The following TGFB2 variants were observed in gnomAD, a reference collection of about 807,000 sequenced individuals.
The protein encoded by TGFB2 is transforming growth factor beta 2.
TGFB2 carries 13 observed loss-of-function variants against 42.7 expected under a neutral mutation model. The observed-to-expected ratio is 0.30, with a 90% CI of 0.20 to 0.48. The LOEUF (loss-of-function observed/expected upper bound fraction) is 0.48. TGFB2 is among the 20% of genes least tolerant of loss of function. The pLI is 0.99. For synonymous variants in TGFB2, 193 were observed against 193.6 expected, an observed-to-expected ratio of 1.00 and a Z score of 0.03; for missense variants, 390 against 517.5, an observed-to-expected ratio of 0.75 and a Z score of 2.39.
intron 1 of TGFB2, among the ~76,000 whole-genome samples, chr1:218,383,743 A>T (rs950689836): frequency 6.6e-6 from 1 of 152,242 alleles, no homozygotes; most frequent in African/African-American, 2.4e-5. Context: ...ATATCCCATG[A>T]GTCAGGTTTC....
intron 1 of TGFB2, among the ~76,000 whole-genome samples, chr1:218,372,828 A>C (rs12088448): frequency 0.43 from 64,921 of 151,890 alleles, 14,919 homozygotes; most frequent in African/African-American, 0.61. Flanking sequence ...CCAGAGTCCA[A>C]CTCCAGAAAT....
intron 1 of TGFB2, among the ~76,000 whole-genome samples, chr1:218,399,119 C>A (rs1329515712): frequency 6.6e-6 from 1 of 152,082 alleles, no homozygotes; most frequent in African/African-American, 2.4e-5. Flanking sequence ...AAACTCCTAG[C>A]CTTAACCAAT....
Position 218,367,263 on chromosome 1 carries a change from C to T in TGFB2, c.346+20216C>T, listed in dbSNP as rs574711742. Among the ~76,000 whole-genome samples, 4 of 152,252 alleles carry T rather than the reference C, an allele frequency of 2.6e-5. No individual in the cohort carries two copies. In the East Asian group the frequency reaches 5.8e-4, roughly 22 times the overall value. ...CTGCTGACCTCTTGGTGGCCTGAAT[C>T]GTGTTCTGAGACATTCCATGGGGTA... is the stretch of plus-strand genomic sequence containing the variant. On this transcript the variant is annotated intron_variant, in intron 1 of 6. Coordinates refer to ENST00000366930, the MANE Select transcript of TGFB2 (RefSeq NM_003238.6).
intron 1 of TGFB2, among the ~76,000 whole-genome samples, chr1:218,367,904 G>A (rs1197580815): frequency 6.6e-6 from 1 of 152,112 alleles, no homozygotes; most frequent in Non-Finnish European, 1.5e-5. Context: ...CCAGGTTCAA[G>A]CAATTCTCCT....
intron 1 of TGFB2, among the ~76,000 whole-genome samples, chr1:218,395,804 C>G (rs537899842): frequency 6.6e-6 from 1 of 151,884 alleles, no homozygotes; most frequent in African/African-American, 2.4e-5. Flanking sequence ...TTAGTAGAGA[C>G]GGGATTTCAC....
At chr1:218,380,196 G>T (rs973735999) in intron 1 of TGFB2, among the ~76,000 whole-genome samples, 2 of 152,206 alleles carry the variant, frequency 1.3e-5, no homozygotes, top group African/African-American at 2.4e-5. Context: ...GCTCAAGTCG[G>T]TGACCAATCA....
chr1:218,391,507 T>C (rs1658315476), intron 1 of TGFB2, among the ~76,000 whole-genome samples: 1 of 152,208 alleles, frequency 6.6e-6, no homozygotes, highest in Non-Finnish European at 1.5e-5. Flanking sequence ...GGGGATTGAA[T>C]GAAATAACAT....
chr1:218,364,211 C>T (rs551819805), intron 1 of TGFB2, among the ~76,000 whole-genome samples: 6 of 152,248 alleles, frequency 3.9e-5, no homozygotes, highest in Admixed American at 3.3e-4. Context: ...CGTCATGGGT[C>T]AGGCCCTCAG....
At position 218,386,068 on chromosome 1, in the gene TGFB2, A is replaced by T. The variant is rs1658124472; in HGVS notation, c.347-19101A>T. Among the ~76,000 whole-genome samples the T allele has an allele frequency of 2.0e-5, 3 of 152,084 alleles. No homozygotes were observed. The South Asian group carries it at 6.2e-4, about 32-fold the overall frequency. On this transcript the variant is annotated intron_variant, in intron 1 of 6. Transcript: ENST00000366930. Reference sequence around the variant, plus strand: ...AGGTAACTCTGTTTGAAGGCTCTTCACTGTACTGAGCTTGGGCTGTTCTGA... The same window carrying T: ...AGGTAACTCTGTTTGAAGGCTCTTCTCTGTACTGAGCTTGGGCTGTTCTGA...
chr1:218,416,375 G>T lies in TGFB2; in HGVS notation c.510+11043G>T, dbSNP rs76067114. Among the ~76,000 whole-genome samples the T allele has an allele frequency of 6.3e-3, 958 of 151,998 alleles. 15 individuals are homozygous for T. The highest frequency in any genetic ancestry group is 0.02 in the African/African-American group (832 of 41,444). On this transcript the variant is annotated intron_variant, in intron 2 of 6. Transcript: ENST00000366930. The stretch of plus-strand genomic sequence containing the variant: ...GGCAAAAGCTGTTTCAAGGGAGCAT[G>T]CATGTTTTTTTTCTCAATGCCAACA...
intron 4 of TGFB2, 51 bp downstream of exon 4, chr1:218,434,499 T>C: frequency 8.7e-7 from 1 of 1,152,288 alleles, no homozygotes; most frequent in Non-Finnish European, 1.3e-6. Context: ...TCTATATTGA[T>C]AATCTCATGG....
intron 1 of TGFB2, among the ~76,000 whole-genome samples, chr1:218,403,830 A>C (rs1157914392): frequency 6.6e-6 from 1 of 152,202 alleles, no homozygotes; most frequent in Non-Finnish European, 1.5e-5. Context: ...GTGGGTAGAA[A>C]GAAATGGAGC....
At chr1:218,426,249 T>C (rs1200883935) in intron 2 of TGFB2, among the ~76,000 whole-genome samples, 1 of 152,258 alleles carries the variant, frequency 6.6e-6, no homozygotes, top group Non-Finnish European at 1.5e-5. Flanking sequence ...CTCTTTGCAA[T>C]GTCTCATAGA....
chr1:218,394,731 G>GC (rs574007898), intron 1 of TGFB2, among the ~76,000 whole-genome samples: 7 of 152,108 alleles, frequency 4.6e-5, no homozygotes, highest in Non-Finnish European at 8.8e-5. Flanking sequence ...CTGATGCGCT[G>GC]TTTATTTCTT....
intron 2 of TGFB2, among the ~76,000 whole-genome samples, chr1:218,431,157 G>A (rs566688851): frequency 1.4e-4 from 22 of 152,260 alleles, no homozygotes; most frequent in Admixed American, 7.2e-4. Flanking sequence ...TTTATATGTG[G>A]CCTGTTCATG....
In TGFB2 at chr1:218,359,167, A is replaced by G. The variant is rs916298353; in HGVS notation, c.346+12120A>G. On this transcript the variant is annotated intron_variant, in intron 1 of 6. Coordinates refer to ENST00000366930, the MANE Select transcript of TGFB2 (RefSeq NM_003238.6). Reference sequence around the variant, plus strand: ...AAAGCTGAATAATAGCCATGACCTCAGGCTCTGAAGCAGGAGGTTCCACCT... The same window carrying G: ...AAAGCTGAATAATAGCCATGACCTCGGGCTCTGAAGCAGGAGGTTCCACCT... 3.1e-4 allele frequency among the ~76,000 whole-genome samples: 47 copies of G among 152,178 alleles called. 1 individual carries two copies. The highest frequency in any genetic ancestry group is 1.1e-3 in the African/African-American group (47 of 41,434).
intron 1 of TGFB2, among the ~76,000 whole-genome samples, chr1:218,373,998 G>A (rs2102557286): frequency 6.6e-6 from 1 of 152,326 alleles, no homozygotes; most frequent in African/African-American, 2.4e-5. Context: ...TTCCTCATTA[G>A]AAGAATGAAA....
chr1:218,432,532 G>A (rs1659840295), intron 2 of TGFB2, among the ~76,000 whole-genome samples: 1 of 152,196 alleles, frequency 6.6e-6, no homozygotes, highest in Admixed American at 6.5e-5. Flanking sequence ...GGAAGCGTCT[G>A]TTGCCAAATT....
chr1:218,420,866 G>A (rs1421911620), intron 2 of TGFB2, among the ~76,000 whole-genome samples: 1 of 152,190 alleles, frequency 6.6e-6, no homozygotes, highest in African/African-American at 2.4e-5. Context: ...GTCTTCTGAG[G>A]CTGATATGTA....
Sources: gnomAD v4.1 joint callset for allele counts (sites outside exome capture counted in the v4.1 genomes callset) on GRCh38, gnomAD v4.1.1 for gene constraint, MANE v1.5 for transcripts, NCBI Gene and HGNC (gene_info 2026-07-23, HGNC 2026-07-21) for gene names.